SOX5: variants seen among roughly 807,000 people sequenced by gnomAD.
SOX5 encodes transcription factor SOX-5.
In SOX5, 9 loss-of-function variants were observed where a neutral mutation model predicts 92.0. The observed-to-expected ratio is 0.10, with a 90% confidence interval of 0.06 to 0.17. The LOEUF is 0.17. SOX5 is among the 10% of genes least tolerant of loss of function. SOX5 has a pLI of 1.00. For missense variants in SOX5, 642 were observed against 944.5 expected (o/e 0.68, Z 4.20); for synonymous variants, 344 against 336.3 (o/e 1.02, Z -0.25).
At chr12:24,110,211 G>A (rs1947155461) in intron 4 of SOX5, among the ~76,000 whole-genome samples, 1 of 152,088 alleles carries the variant, frequency 6.6e-6, no homozygotes, top group African/African-American at 2.4e-5. Context: ...CCATTCTCTT[G>A]CCAACACCAA....
chr12:23,714,859 A>C (rs934338136), intron 6 of SOX5, among the ~76,000 whole-genome samples: 5 of 152,172 alleles, frequency 3.3e-5, no homozygotes, highest in African/African-American at 1.2e-4. Flanking sequence ...TGTAAAATTT[A>C]TTTATAAAGT....
At chr12:24,168,362 GTTTA>G (rs1953670083) in intron 4 of SOX5, among the ~76,000 whole-genome samples, 1 of 151,926 alleles carries the variant, frequency 6.6e-6, no homozygotes, top group Non-Finnish European at 1.5e-5. Flanking sequence ...TATCCTTGAG[GTTTA>G]TTTATTTGCT....
intron 4 of SOX5, among the ~76,000 whole-genome samples, chr12:24,096,130 T>G (rs1193701954): frequency 6.6e-6 from 1 of 152,212 alleles, no homozygotes; most frequent in African/African-American, 2.4e-5. Context: ...AAACATTTTT[T>G]ATTATACTTT....
At chr12:24,084,517 A>G (rs1943734019) in intron 4 of SOX5, among the ~76,000 whole-genome samples, 1 of 152,074 alleles carries the variant, frequency 6.6e-6, no homozygotes, top group East Asian at 1.9e-4. Flanking sequence ...ATATTCTTTA[A>G]AATGAAATCT....
At position 24,289,701 on chromosome 12, in the gene SOX5, C is replaced by T. The variant is rs1281991950; in HGVS notation, c.-173-12389G>A. ...CGATCTCCTGACCTCGTGATCCGCC[C>T]GCCTCGGCCTCCCAAAGTGCTGGGA... is the stretch of plus-strand genomic sequence containing the variant. On this transcript the variant is annotated intron_variant, in intron 2 of 4. Coordinates refer to the SOX5 transcript ENST00000446891. Among the ~76,000 whole-genome samples the T allele has an allele frequency of 1.7e-5, 2 of 120,664 alleles. 1 individual carries two copies. The allele number at this position is 120,664 out of a possible 152,430, so 79.2% of individuals were successfully genotyped here.
intron 2 of SOX5, among the ~76,000 whole-genome samples, chr12:24,310,043 G>A (rs915751223): frequency 6.6e-6 from 1 of 152,076 alleles, no homozygotes; most frequent in Non-Finnish European, 1.5e-5. Context: ...TGGAGAGGTG[G>A]TATTTAAAAA....
chr12:23,665,338 A>G (rs1566828822), intron 7 of SOX5, 106 bp downstream of exon 7: 1 of 1,224,272 alleles, frequency 8.2e-7, no homozygotes, highest in East Asian at 2.3e-5. Context: ...TAAAATAAAA[A>G]TGCTATATGG....
chr12:24,107,820 A>G (rs1288334035), intron 4 of SOX5, among the ~76,000 whole-genome samples: 1 of 152,190 alleles, frequency 6.6e-6, no homozygotes, highest in Non-Finnish European at 1.5e-5. Context: ...CCTTAATTAA[A>G]ACGAGAAAGA....
intron 3 of SOX5, among the ~76,000 whole-genome samples, chr12:24,245,076 A>C (rs1938370237): frequency 6.6e-6 from 1 of 152,018 alleles, no homozygotes; most frequent in East Asian, 1.9e-4. Flanking sequence ...AAATCCTCCC[A>C]TTAGAGGGCT....
intron 2 of SOX5, among the ~76,000 whole-genome samples, chr12:24,313,743 A>G (rs142666327): frequency 2.1e-4 from 32 of 152,000 alleles, no homozygotes; most frequent in African/African-American, 7.0e-4. Context: ...CTTTCTTTCC[A>G]TTTTTGTCCA....
intron 1 of SOX5, among the ~76,000 whole-genome samples, chr12:24,433,582 A>G (rs1938797109): frequency 6.6e-6 from 1 of 151,476 alleles, no homozygotes; most frequent in African/African-American, 2.5e-5. Context: ...ACTGAGGGGG[A>G]AAAAATCACA....
chr12:23,994,903 T>C (rs902306508), intron 4 of SOX5, among the ~76,000 whole-genome samples: 23 of 152,172 alleles, frequency 1.5e-4, no homozygotes, highest in African/African-American at 5.5e-4. Flanking sequence ...CATAATTTGA[T>C]AGACAAAATG....
intron 1 of SOX5, among the ~76,000 whole-genome samples, chr12:24,411,290 C>G (rs1480242354): frequency 6.6e-6 from 1 of 151,628 alleles, no homozygotes; most frequent in East Asian, 1.9e-4. Flanking sequence ...CCTTTATAAT[C>G]CATATGCTTT....
At chr12:24,322,048 C>T (rs1172343818) in intron 2 of SOX5, among the ~76,000 whole-genome samples, 1 of 152,120 alleles carries the variant, frequency 6.6e-6, no homozygotes, top group African/African-American at 2.4e-5. Context: ...ATTTTCCTTC[C>T]TGCAATAAAT....
At chr12:24,388,795 C>T (rs1451854137) in intron 1 of SOX5, among the ~76,000 whole-genome samples, 1 of 152,022 alleles carries the variant, frequency 6.6e-6, no homozygotes, top group Non-Finnish European at 1.5e-5. Flanking sequence ...CCCAGGTAGC[C>T]ATGAATGTAC....
rs1366252580 is a variant in SOX5 at position 24,341,601 on chromosome 12, A to G, written c.-174+26962T>C. Among the ~76,000 whole-genome samples the G allele has an allele frequency of 4.6e-5, 7 of 152,376 alleles. No homozygotes were observed. In the South Asian group the frequency reaches 1.4e-3, roughly 32 times the overall value. On this transcript the variant is annotated intron_variant, in intron 2 of 4. Transcript: ENST00000446891. Reference sequence around the variant, plus strand: ...TTGCTTTCAGACGATACTGACCTGCACCATGCACTGTTTCTATCACAGGAA... The same window carrying G: ...TTGCTTTCAGACGATACTGACCTGCGCCATGCACTGTTTCTATCACAGGAA...
intron 4 of SOX5, among the ~76,000 whole-genome samples, chr12:23,978,523 G>A (rs1721682290): frequency 6.6e-6 from 1 of 152,160 alleles, no homozygotes; most frequent in African/African-American, 2.4e-5. Context: ...TTTCTAAGCT[G>A]TTCAATGCAC....
At chr12:23,600,410 T>C (rs1475518448) in intron 9 of SOX5, among the ~76,000 whole-genome samples, 3 of 151,230 alleles carry the variant, frequency 2.0e-5, no homozygotes, top group Admixed American at 1.3e-4. Context: ...GACAAGCGTA[T>C]GAGTATTTAG....
At chr12:24,013,141 G>A (rs959273767) in intron 4 of SOX5, among the ~76,000 whole-genome samples, 1 of 152,120 alleles carries the variant, frequency 6.6e-6, no homozygotes, top group African/African-American at 2.4e-5. Context: ...GTTTCTGTAT[G>A]TGTCTCTAGT....
Sources: allele counts gnomAD v4.1 joint callset (sites outside exome capture counted in the v4.1 genomes callset), GRCh38; gene constraint gnomAD v4.1.1; transcripts MANE v1.5; gene names NCBI Gene and HGNC (gene_info 2026-07-23, HGNC 2026-07-21).